The following GRIK2 variants were observed in gnomAD, a reference collection of about 807,000 sequenced individuals.
GRIK2 encodes the protein glutamate receptor ionotropic, kainate 2.
GRIK2 carries 32 observed loss-of-function variants against 100.3 expected under a neutral mutation model. The ratio of observed to expected loss-of-function variants is 0.32; its 90% CI spans 0.24 to 0.43. GRIK2 has a LOEUF of 0.43. Among genes scored for constraint, GRIK2 ranks in the 20% least tolerant of loss-of-function variants. The probability of loss-of-function intolerance (pLI) is 1.00; values close to 1 mark genes in which losing one functional copy is unlikely to be tolerated. For synonymous variants in GRIK2, 417 were observed against 389.4 expected, an observed-to-expected ratio of 1.07 and a Z score of -0.83; for missense variants, 843 against 1,114.9, an observed-to-expected ratio of 0.76 and a Z score of 3.47.
At chr6:101,898,837 TA>T (rs1787654238) in intron 12 of GRIK2, among the ~76,000 whole-genome samples, 1 of 151,982 alleles carries the variant, frequency 6.6e-6, no homozygotes, top group Admixed American at 6.6e-5. Context: ...TGTTAAATAA[TA>T]ATGTACAGAC....
At chr6:101,714,289 A>C (rs1773914644) in intron 7 of GRIK2, among the ~76,000 whole-genome samples, 1 of 151,718 alleles carries the variant, frequency 6.6e-6, no homozygotes, top group South Asian at 2.1e-4. Context: ...AAGTCTTACA[A>C]TACCTGTTGG....
At chr6:101,470,003 C>A (rs750165742) in intron 2 of GRIK2, among the ~76,000 whole-genome samples, 8 of 152,152 alleles carry the variant, frequency 5.3e-5, no homozygotes, top group Non-Finnish European at 8.8e-5. Context: ...TACCTGGGAG[C>A]TGATTCCCTC....
intron 2 of GRIK2, among the ~76,000 whole-genome samples, chr6:101,547,960 T>G (rs2128291221): frequency 6.6e-6 from 1 of 152,274 alleles, no homozygotes; most frequent in Non-Finnish European, 1.5e-5. Context: ...TTCCTGTTTC[T>G]CCACATCCTC....
chr6:101,686,340 A>T lies in GRIK2; in HGVS notation c.938A>T (p.Asp313Val), dbSNP rs757698891. The T allele has an allele frequency of 6.2e-7, 1 of 1,612,968 alleles. No homozygotes were observed. Among genetic ancestry groups the T allele is most frequent in the Non-Finnish European group, 8.5e-7 (1 of 1,179,114 alleles). Reference sequence around the variant, plus strand: ...CCGAAACCCGATTCAGGTTTGCTGGATGGATTTATGACGGTATGAATACCC... The same window carrying T: ...CCGAAACCCGATTCAGGTTTGCTGGTTGGATTTATGACGGTATGAATACCC... ...APPKPDSGLL[D>V]GFMTTDAALM... The change falls in exon 7 of 17, where the codon GAT becomes GTT. Residue 313 changes from aspartate to valine, a missense_variant. This residue lies in a region of GRIK2 where 519 missense variants were observed against 643.8 expected (regional missense o/e 0.81). Transcript: ENST00000369134.
intron 2 of GRIK2, among the ~76,000 whole-genome samples, chr6:101,614,989 T>A (rs181754942): frequency 6.6e-6 from 1 of 151,678 alleles, no homozygotes; most frequent in Non-Finnish European, 1.5e-5. Context: ...TCTTAAGTAG[T>A]GAAGTTCTTT....
intron 2 of GRIK2, among the ~76,000 whole-genome samples, chr6:101,530,339 C>T (rs185345367): frequency 6.6e-5 from 10 of 151,824 alleles, no homozygotes; most frequent in Admixed American, 5.9e-4. Context: ...TCATTTACAG[C>T]GACTATGAAT....
chr6:101,446,806 TA>T (rs1261495855), intron 2 of GRIK2, among the ~76,000 whole-genome samples: 4 of 12,936 alleles, frequency 3.1e-4, no homozygotes, highest in African/African-American at 1.5e-3. Flanking sequence ...GGCTTTGTCG[TA>T]TTTTTTTTTG....
In GRIK2 at chr6:101,396,242, T is replaced by TCC. The variant is rs112605796; in HGVS notation, c.-294+2416_-294+2417dup. On this transcript the variant is annotated intron_variant, in intron 1 of 16. Coordinates refer to ENST00000369134, the MANE Select transcript of GRIK2 (RefSeq NM_021956.5). ...TAGTATAGGGATGTAAATTTAGCATTCCCCCCCCCCCCAGGAAGTGAGTGA... is the reference window on the plus strand; with the variant it reads ...TAGTATAGGGATGTAAATTTAGCATTCCCCCCCCCCCCCCAGGAAGTGAGTGA... Among the ~76,000 whole-genome samples, 1,271 of 132,100 alleles carry TCC rather than the reference T, an allele frequency of 9.6e-3. 19 individuals carry two copies. Among genetic ancestry groups the TCC allele is most frequent in the African/African-American group, 0.019 (677 of 36,196 alleles). 86.7% of individuals were successfully genotyped at this position (132,100 alleles called of 152,430 possible). A position where few individuals can be genotyped will look rare whatever the true frequency, so the allele number is the denominator to read the frequency against.
At chr6:101,583,980 C>A (rs192604586) in intron 2 of GRIK2, among the ~76,000 whole-genome samples, 3 of 152,076 alleles carry the variant, frequency 2.0e-5, no homozygotes, top group African/African-American at 7.2e-5. Flanking sequence ...AACTAGATTT[C>A]TTTATATCAT....
intron 15 of GRIK2, among the ~76,000 whole-genome samples, chr6:102,054,070 G>T (rs73759071): frequency 6.6e-6 from 1 of 152,110 alleles, no homozygotes; most frequent in African/African-American, 2.4e-5. Flanking sequence ...ATAGGAATGG[G>T]CAATGCCCCT....
chr6:101,999,031 C>T (rs1794796432), intron 14 of GRIK2, among the ~76,000 whole-genome samples: 1 of 151,804 alleles, frequency 6.6e-6, no homozygotes, highest in African/African-American at 2.4e-5. Flanking sequence ...CCAGGCTGGT[C>T]TCAAACTCCT....
chr6:102,032,325 C>T (rs1770043425), intron 14 of GRIK2, among the ~76,000 whole-genome samples: 1 of 150,830 alleles, frequency 6.6e-6, no homozygotes, highest in African/African-American at 2.4e-5. Flanking sequence ...TTAAAAGGGA[C>T]AAATAAAGAA....
At chr6:101,946,624 T>C (rs1355680283) in intron 14 of GRIK2, among the ~76,000 whole-genome samples, 1 of 152,168 alleles carries the variant, frequency 6.6e-6, no homozygotes, top group Admixed American at 6.6e-5. Flanking sequence ...TAAAGGAATA[T>C]GACAGTGTCT....
At chr6:101,402,685 G>C (rs888582832) in intron 2 of GRIK2, among the ~76,000 whole-genome samples, 2 of 152,172 alleles carry the variant, frequency 1.3e-5, no homozygotes, top group Non-Finnish European at 2.9e-5. Flanking sequence ...GTGCATTTTA[G>C]AGAGTCAGTT....
chr6:102,018,804 C>G (rs1288544388), intron 14 of GRIK2, among the ~76,000 whole-genome samples: 2 of 151,988 alleles, frequency 1.3e-5, no homozygotes, highest in African/African-American at 2.4e-5. Flanking sequence ...AAATGCTGGG[C>G]TGGAAGCAGT....
intron 11 of GRIK2, among the ~76,000 whole-genome samples, chr6:101,870,543 A>G (rs1785345986): frequency 6.6e-6 from 1 of 151,854 alleles, no homozygotes; most frequent in Non-Finnish European, 1.5e-5. Context: ...AGCACTTGCC[A>G]CAATGCTTTA....
intron 7 of GRIK2, among the ~76,000 whole-genome samples, chr6:101,769,128 GAAAAT>G (rs904274527): frequency 6.6e-6 from 1 of 151,924 alleles, no homozygotes; most frequent in Non-Finnish European, 1.5e-5. Context: ...AAAAGTATAA[GAAAAT>G]AAAAGTAAAC....
intron 14 of GRIK2, among the ~76,000 whole-genome samples, chr6:101,939,153 A>G (rs1478089127): frequency 6.6e-6 from 1 of 152,058 alleles, no homozygotes; most frequent in Non-Finnish European, 1.5e-5. Flanking sequence ...AATGGATATA[A>G]TTTATTGTTG....
At chr6:101,875,820 A>T (rs962001027) in intron 11 of GRIK2, among the ~76,000 whole-genome samples, 21 of 151,942 alleles carry the variant, frequency 1.4e-4, no homozygotes, top group African/African-American at 4.8e-4. Context: ...GGAAGCTTAG[A>T]CTGATCAACC....
Sources: gnomAD v4.1 joint callset for allele counts (sites outside exome capture counted in the v4.1 genomes callset) on GRCh38, gnomAD v4.1.1 for gene constraint, gnomAD v4.1.1 regional missense constraint, MANE v1.5 for transcripts, NCBI Gene and HGNC (gene_info 2026-07-23, HGNC 2026-07-21) for gene names.